EPB41: variants seen among roughly 807,000 people sequenced by gnomAD.
The protein encoded by EPB41 is erythrocyte membrane protein band 4.1.
In EPB41, 65 loss-of-function variants were observed where a neutral mutation model predicts 108.0. That is an observed-to-expected ratio of 0.60 (90% CI 0.49 to 0.74). EPB41 has a LOEUF of 0.74. Ranked by LOEUF, EPB41 falls within the 30% of genes least tolerant of loss-of-function variation. The probability of loss-of-function intolerance (pLI) is 0.00; values close to 1 mark genes in which losing one functional copy is unlikely to be tolerated. For missense variants in EPB41, 875 were observed against 1,037.0 expected (o/e 0.84, Z 2.15); for synonymous variants, 336 against 358.9 (o/e 0.94, Z 0.72).
Position 29,103,160 on chromosome 1 carries a change from C to G in EPB41, c.2313+5225C>G, listed in dbSNP as rs112678224. 2.6e-3 allele frequency among the ~76,000 whole-genome samples: 389 copies of G among 152,220 alleles called. 2 individuals carry two copies. Among genetic ancestry groups the G allele is most frequent in the Non-Finnish European group, 3.9e-3 (264 of 68,006 alleles). ...CAGGCCTCAAGTAGTCAGCCCGCCTCGACCTCCCAAAGTGCAGGGATTACA... is the reference window on the plus strand; with the variant it reads ...CAGGCCTCAAGTAGTCAGCCCGCCTGGACCTCCCAAAGTGCAGGGATTACA... On this transcript the variant is annotated intron_variant, in intron 17 of 20. Coordinates refer to ENST00000343067, the MANE Select transcript of EPB41 (RefSeq NM_001376013.1).
At chr1:28,996,183 T>TA (rs1204534537) in intron 3 of EPB41, among the ~76,000 whole-genome samples, 1 of 152,346 alleles carries the variant, frequency 6.6e-6, no homozygotes, top group African/African-American at 2.4e-5. Flanking sequence ...GTTTAGCTAG[T>TA]AAATGGAGGA....
chr1:28,896,903 G>A (rs1325288687), intron 1 of EPB41, among the ~76,000 whole-genome samples: 1 of 152,004 alleles, frequency 6.6e-6, no homozygotes, highest in African/African-American at 2.4e-5. Context: ...GGAGAGGAGA[G>A]GGCCAGAGGG....
chr1:28,990,772 A>G (rs987025883), intron 2 of EPB41, among the ~76,000 whole-genome samples: 2 of 152,114 alleles, frequency 1.3e-5, no homozygotes, highest in Non-Finnish European at 2.9e-5. Flanking sequence ...GGGAAAATCC[A>G]TATCTTGTTT....
chr1:28,972,228 C>T (rs1412048418), intron 1 of EPB41, among the ~76,000 whole-genome samples: 6 of 152,164 alleles, frequency 3.9e-5, no homozygotes, highest in Admixed American at 1.3e-4. Flanking sequence ...CCAAACCCAG[C>T]CCACTTTGAC....
At chr1:29,032,097 TAAA>T (rs76135314) in intron 8 of EPB41, among the ~76,000 whole-genome samples, 6 of 128,026 alleles carry the variant, frequency 4.7e-5, no homozygotes, top group African/African-American at 8.7e-5. Flanking sequence ...GACTCTGTCT[TAAA>T]AAAAAAAAAA....
chr1:28,927,794 T>A (rs759616708), intron 1 of EPB41, among the ~76,000 whole-genome samples: 9 of 152,170 alleles, frequency 5.9e-5, no homozygotes, highest in Non-Finnish European at 1.3e-4. Flanking sequence ...AGACCTGGAT[T>A]TACAGTAAGG....
At chr1:29,097,446 T>C (rs993622592) in intron 16 of EPB41, 4 of 305,120 alleles carry the variant, frequency 1.3e-5, no homozygotes, top group African/African-American at 8.6e-5. Context: ...TTAATTATAA[T>C]GGTACAGACA....
At chr1:29,015,136 A>G (rs2096561221) in intron 5 of EPB41, among the ~76,000 whole-genome samples, 1 of 152,252 alleles carries the variant, frequency 6.6e-6, no homozygotes, top group Non-Finnish European at 1.5e-5. Context: ...AAACGATTAT[A>G]TTAAGTCAGG....
At chr1:29,068,725 A>T in intron 16 of EPB41, 1 of 1,231,994 alleles carries the variant, frequency 8.1e-7, no homozygotes, top group Non-Finnish European at 1.0e-6. Context: ...TAATTTGTGT[A>T]TGACCAGGTG....
chr1:29,019,351 A>C (rs1289007439), intron 7 of EPB41, among the ~76,000 whole-genome samples: 2 of 152,202 alleles, frequency 1.3e-5, no homozygotes, highest in African/African-American at 2.4e-5. Context: ...ATGAGCTGAG[A>C]TCACACCATT....
chr1:29,064,990 C>T lies in EPB41; in HGVS notation c.2016C>T (p.Asp672=), dbSNP rs751896793. Residue 672 remains aspartate (D), a synonymous_variant, in exon 16 of 21, where the codon GAC becomes GAT. Coordinates refer to ENST00000343067, the MANE Select transcript of EPB41 (RefSeq NM_001376013.1). ...TGTCCTTTCAACTGTAGGATTTAGA[C>T]AAGAGTCAAGAGGAGATCAAAAAAC... ...RHSNLMLEDL[D]KSQEEIKKHH... is the part of the protein sequence containing the mutation. 5.0e-6 allele frequency: 8 copies of T among 1,613,790 alleles called. No individual in the cohort carries two copies. In the Middle Eastern group the frequency reaches 6.6e-4, roughly 133 times the overall value.
upstream of EPB41, chr1:28,914,404 G>A (rs1347252776): frequency 6.6e-6 from 1 of 152,544 alleles, no homozygotes; most frequent in Non-Finnish European, 1.5e-5. Flanking sequence ...GGGAAACAAG[G>A]GGAGCTAGAA....
intron 1 of EPB41, among the ~76,000 whole-genome samples, chr1:28,964,439 TAA>T (rs1372782853): frequency 7.2e-6 from 1 of 139,270 alleles, no homozygotes; most frequent in Non-Finnish European, 1.6e-5. Flanking sequence ...AGACTCTGTC[TAA>T]AAAAAAAAAA....
chr1:28,932,517 G>C (rs1208446738), intron 1 of EPB41, among the ~76,000 whole-genome samples: 1 of 145,018 alleles, frequency 6.9e-6, no homozygotes, highest in Admixed American at 6.9e-5. Context: ...AAAAAAAAAA[G>C]CAGATATCTT....
intron 1 of EPB41, among the ~76,000 whole-genome samples, chr1:28,935,472 C>A (rs866108692): frequency 0.21 from 18,302 of 86,396 alleles, 3,406 homozygotes; most frequent in African/African-American, 0.42. Flanking sequence ...CACACACCCC[C>A]CCCCCCCCAA....
chr1:28,902,883 G>A (rs954653982), intron 1 of EPB41, among the ~76,000 whole-genome samples: 6 of 152,126 alleles, frequency 3.9e-5, no homozygotes, highest in African/African-American at 1.4e-4. Context: ...GTCAAACAGA[G>A]ATAAAGACGC....
At chr1:29,092,577 G>A (rs1163892284) in intron 16 of EPB41, among the ~76,000 whole-genome samples, 1 of 152,052 alleles carries the variant, frequency 6.6e-6, no homozygotes, top group African/African-American at 2.4e-5. Flanking sequence ...TTTATTTTAG[G>A]TACACGCGCA....
At chr1:28,969,165 A>T (rs1441491643) in intron 1 of EPB41, among the ~76,000 whole-genome samples, 1 of 150,028 alleles carries the variant, frequency 6.7e-6, no homozygotes, top group Non-Finnish European at 1.5e-5. Context: ...GCTCACTGCA[A>T]CCTCCACCTC....
rs189254266 is a variant in EPB41, at chr1:29,069,241, C to G, written c.2184+4083C>G. The G allele has an allele frequency of 3.2e-5, 40 of 1,231,600 alleles. No individual in the cohort carries two copies. The Admixed American group carries it at 1.1e-3, about 35-fold the overall frequency. The allele number at this position is 1,231,600 out of a possible 1,614,324, so 76.3% of individuals were successfully genotyped here. A position where few individuals can be genotyped will look rare whatever the true frequency, so the allele number is the denominator to read the frequency against. Reference sequence around the variant, plus strand: ...ACCAGTGTTGAACTTCCAAACTGATCAGAGAAGGCTAGCTCAACTGAGAGA... The same window carrying G: ...ACCAGTGTTGAACTTCCAAACTGATGAGAGAAGGCTAGCTCAACTGAGAGA... On this transcript the variant is annotated intron_variant, in intron 16 of 20. Coordinates refer to ENST00000343067, the MANE Select transcript of EPB41 (RefSeq NM_001376013.1).
Sources: gnomAD v4.1 joint callset for allele counts (sites outside exome capture counted in the v4.1 genomes callset) on GRCh38, gnomAD v4.1.1 for gene constraint, MANE v1.5 for transcripts, NCBI Gene and HGNC (gene_info 2026-07-23, HGNC 2026-07-21) for gene names.